The following MMP13 variants were observed in gnomAD, a reference collection of about 807,000 sequenced individuals.
The protein encoded by MMP13 is collagenase 3.
MMP13 carries 45 observed loss-of-function variants against 52.1 expected under a neutral mutation model. The observed-to-expected ratio is 0.86, with a 90% CI of 0.68 to 1.11. The LOEUF (loss-of-function observed/expected upper bound fraction) is 1.11, where lower values mean the gene tolerates loss of function less well. Among genes scored for constraint, MMP13 ranks in the 50% least tolerant of loss-of-function variants. The pLI is 0.00. For synonymous variants in MMP13, 200 were observed against 204.4 expected (o/e 0.98, Z 0.18); for missense variants, 576 against 583.8 (o/e 0.99, Z 0.14).
Position 102,952,160 on chromosome 11 carries a change from A to C in MMP13, c.651T>G (p.Phe217Leu), listed in dbSNP as rs782355119. 1 of 1,613,088 alleles carries C rather than the reference A, an allele frequency of 6.2e-7. No homozygotes were observed. The highest frequency in any genetic ancestry group is 1.1e-5 in the South Asian group (1 of 91,062). ...WTSSSKGYNLFLVAAHEFGHS... is the reference protein window; with the variant it reads ...WTSSSKGYNLLLVAAHEFGHS... ...GGCCGAACTCATGCGCAGCAACAAG[A>C]AACAAGTTGTAGCCTGTAAGAAAAC... The change falls in exon 5 of 10, where the codon TTT becomes TTG. Residue 217 changes from phenylalanine (F) to leucine (L), a missense_variant. Physicochemically the swap from Phe to Leu is conservative, Grantham distance 22. Transcript: ENST00000260302. The surrounding 1 kb of genome is among the most constrained non-coding windows in gnomAD (Gnocchi z 4.3).
chr11:102,955,234 A>T lies in MMP13; in HGVS notation c.362+18T>A. On this transcript the variant is annotated intron_variant, in intron 2 of 9. Transcript: ENST00000260302. The surrounding 1 kb of genome is among the most constrained non-coding windows in gnomAD (Gnocchi z 4.9). ...GAAAAGGCTAACAAATATGAAAGAA[A>T]GATAGCCTATGATTTACCTGTAGGT... The T allele has an allele frequency of 6.2e-7, 1 of 1,612,878 alleles. No individual in the cohort carries two copies. The highest frequency in any genetic ancestry group is 1.7e-4 in the Middle Eastern group (1 of 6,058).
At chr11:102,948,924 G>T in intron 7 of MMP13, 101 bp downstream of exon 7, 1 of 1,470,972 alleles carries the variant, frequency 6.8e-7, no homozygotes, top group Non-Finnish European at 9.4e-7. Flanking sequence ...TTTAATTTAG[G>T]TATATTTTCA....
At chr11:102,945,377 G>A (rs1565252781) in intron 9 of MMP13, 1 of 810,044 alleles carries the variant, frequency 1.2e-6, no homozygotes, top group East Asian at 5.0e-5. Context: ...TTGCATTTTG[G>A]CATCTTTAAG....
At chr11:102,946,788 C>T (rs1860515505) in intron 8 of MMP13, among the ~76,000 whole-genome samples, 1 of 152,142 alleles carries the variant, frequency 6.6e-6, no homozygotes, top group Non-Finnish European at 1.5e-5. Flanking sequence ...CTGGTAGAAG[C>T]TGGCAGTGAT....
Position 102,949,048 on chromosome 11 carries a change from T to C in MMP13, c.1028A>G (p.His343Arg). The C allele has an allele frequency of 6.2e-7, 1 of 1,613,886 alleles. No homozygotes were observed. The highest frequency in any genetic ancestry group is 8.5e-7 in the Non-Finnish European group (1 of 1,179,804). The stretch of plus-strand genomic sequence containing the variant: ...ACCTCTGAAGATGAAGATGAGGTCA[T>C]GAGAAGGGTGCTCATATGCAGCATC... ...RIDAAYEHPSHDLIFIFRGRK... is the reference protein window; with the variant it reads ...RIDAAYEHPSRDLIFIFRGRK... The change falls in exon 7 of 10, where the codon CAT (histidine) becomes CGT (arginine). Residue 343 changes from histidine (H) to arginine (R), a missense_variant. By Grantham distance (29) the His-to-Arg change is conservative. Coordinates refer to ENST00000260302, the MANE Select transcript of MMP13 (RefSeq NM_002427.4). The surrounding 1 kb of genome is among the most constrained non-coding windows in gnomAD (Gnocchi z 4.2).
At chr11:102,951,237 A>G (rs961500354) in intron 5 of MMP13, among the ~76,000 whole-genome samples, 6 of 152,172 alleles carry the variant, frequency 3.9e-5, no homozygotes, top group African/African-American at 1.4e-4. Context: ...AGAGGTTTCT[A>G]CTGTGCCAGA....
Position 102,950,240 on chromosome 11 carries a change from A to G in MMP13, c.800-13T>C. 1 of 1,584,358 alleles carries G rather than the reference A, an allele frequency of 6.3e-7. No individual in the cohort carries two copies. Among genetic ancestry groups the G allele is most frequent in the African/African-American group, 1.3e-5 (1 of 74,340 alleles). On this transcript the variant is annotated splice_polypyrimidine_tract_variant and intron_variant, in intron 5 of 9. Transcript: ENST00000260302. Reference sequence around the variant, plus strand: ...TCATCTCCTGGACCTGTAGTCGTGAAAGGCAAGAGAGAAGTTATGAGTGTG... The same window carrying G: ...TCATCTCCTGGACCTGTAGTCGTGAGAGGCAAGAGAGAAGTTATGAGTGTG...
intron 8 of MMP13, 53 bp from the exon 9 acceptor site, chr11:102,945,802 T>G: frequency 1.1e-6 from 1 of 927,874 alleles, no homozygotes; most frequent in Non-Finnish European, 1.7e-6. Flanking sequence ...GAAAGTACCT[T>G]AGAAATAATA....
chr11:102,953,840 C>T (rs1023804862), intron 4 of MMP13, among the ~76,000 whole-genome samples: 3 of 152,158 alleles, frequency 2.0e-5, no homozygotes, highest in African/African-American at 7.2e-5. Context: ...ACTGTACTTC[C>T]TCAACATGCC....
Position 102,954,456 on chromosome 11 carries a change from A to T in MMP13, c.511+2T>A, listed in dbSNP as rs202204922. On this transcript the variant is annotated splice_donor_variant, in intron 3 of 9. Transcript: ENST00000260302. LOFTEE classifies it high-confidence loss of function. ...GTTTGTAAAATAAATGTGCATCATT[A>T]CCCTTAATTCCAAAAGAGATCATGA... The T allele has an allele frequency of 3.5e-5, 57 of 1,613,006 alleles. No homozygotes were observed. The highest frequency in any genetic ancestry group is 4.7e-5 in the Non-Finnish European group (55 of 1,179,374).
rs2134520636 is a variant in MMP13 at position 102,952,613 on chromosome 11, A to T, written c.638-440T>A. Among the ~76,000 whole-genome samples the T allele has an allele frequency of 6.6e-6, 1 of 152,266 alleles. No homozygotes were observed. The highest frequency in any genetic ancestry group is 1.9e-4 in the East Asian group (1 of 5,178). On this transcript the variant is annotated intron_variant, in intron 4 of 9. Coordinates refer to ENST00000260302, the MANE Select transcript of MMP13 (RefSeq NM_002427.4). This position sits in a 1 kb window ranked among gnomAD's most constrained non-coding sequence, Gnocchi z 4.3. Reference sequence around the variant, plus strand: ...GAACATCCTCCAATCAGGAGGCAGCATCCAAAGGGATGGTACCAAGGATGG... The same window carrying T: ...GAACATCCTCCAATCAGGAGGCAGCTTCCAAAGGGATGGTACCAAGGATGG...
chr11:102,945,728 A>G lies in MMP13; in HGVS notation c.1233T>C (p.Ile411=). ...TTAGTCTCGGATAGTCTTTATCCAT[A>G]ATATGGTTAGTATCATCATATCTAT... ...QVWRYDDTNH[I]MDKDYPRLIE... The change falls in exon 9 of 10, where the codon ATT becomes ATC. Residue 411 remains isoleucine (I), a synonymous_variant. Coordinates refer to ENST00000260302, the MANE Select transcript of MMP13 (RefSeq NM_002427.4). 6.3e-7 allele frequency: 1 copy of G among 1,588,306 alleles called. No homozygotes were observed. The highest frequency in any genetic ancestry group is 1.7e-4 in the Middle Eastern group (1 of 5,986).
At chr11:102,944,455 C>G (rs2134511917) in intron 9 of MMP13, 89 bp from the exon 10 acceptor site, 1 of 918,864 alleles carries the variant, frequency 1.1e-6, no homozygotes, top group South Asian at 1.4e-5. Flanking sequence ...CTCTTAGATC[C>G]CATTTGTAGG....
Position 102,944,150 on chromosome 11 carries a change from A to C in MMP13, c.*116T>G, listed in dbSNP as rs1555016361. On this transcript the variant is annotated 3_prime_UTR_variant, in exon 10 of 10. Coordinates refer to ENST00000260302, the MANE Select transcript of MMP13 (RefSeq NM_002427.4). ...TACATATTCAAAGATAACTTACTGA[A>C]GCTTGTTCACAGAACCAAGCTTTCT... 1.3e-6 allele frequency: 1 copy of C among 773,740 alleles called. No homozygotes were observed. The highest frequency in any genetic ancestry group is 1.3e-5 in the South Asian group (1 of 74,320). The allele number at this position is 773,740 out of a possible 1,614,324, so 47.9% of individuals were successfully genotyped here. A position where few individuals can be genotyped will look rare whatever the true frequency, so the allele number is the denominator to read the frequency against.
rs782436272 is a variant in MMP13 at position 102,950,187 on chromosome 11, C to G, written c.840G>C (p.Thr280=). The change falls in exon 6 of 10, where the codon ACG becomes ACC. Residue 280 remains threonine (T), a synonymous_variant. Transcript: ENST00000260302. ...ATAAGGAAGGGTCACATTTGTCTGGCGTTTTTGGATGTTTAGGGTTGGGGT... is the reference window on the plus strand; with the variant it reads ...ATAAGGAAGGGTCACATTTGTCTGGGGTTTTTGGATGTTTAGGGTTGGGGT... ...DEDPNPKHPK[T]PDKCDPSLSL... The G allele has an allele frequency of 1.7e-5, 28 of 1,613,654 alleles. No homozygotes were observed. Among genetic ancestry groups the G allele is most frequent in the Middle Eastern group, 1.6e-4 (1 of 6,082 alleles).
rs1860577537 is a variant in MMP13 at position 102,949,757 on chromosome 11, CA to C, written c.917+352del. Among the ~76,000 whole-genome samples, 1 of 152,058 alleles carries C rather than the reference CA, an allele frequency of 6.6e-6. No homozygotes were observed. Among genetic ancestry groups the C allele is most frequent in the Non-Finnish European group, 1.5e-5 (1 of 68,006 alleles). ...ATCTAGAATCAAAGTCTTTCCATACCAAAACGAATCCGTGTGGGCCTAACGA... is the reference window on the plus strand; with the variant it reads ...ATCTAGAATCAAAGTCTTTCCATACCAAACGAATCCGTGTGGGCCTAACGA... On this transcript the variant is annotated intron_variant, in intron 6 of 9. Coordinates refer to ENST00000260302, the MANE Select transcript of MMP13 (RefSeq NM_002427.4). The surrounding 1 kb of genome is among the most constrained non-coding windows in gnomAD (Gnocchi z 4.2).
rs1555016591 is a variant in MMP13 at position 102,945,686 on chromosome 11, T to C, written c.1275A>G (p.Pro425=). ...CAGCATCTACTTTATCACCAATTCCTGGGAAGTCTTCTTCTATTAGTCTCG... is the reference window on the plus strand; with the variant it reads ...CAGCATCTACTTTATCACCAATTCCCGGGAAGTCTTCTTCTATTAGTCTCG... ...DYPRLIEEDF[P]GIGDKVDAVY... is the part of the protein sequence containing the mutation. The change falls in exon 9 of 10, where the codon CCA becomes CCG. Residue 425 remains proline, a synonymous_variant. Coordinates refer to ENST00000260302, the MANE Select transcript of MMP13 (RefSeq NM_002427.4). The C allele has an allele frequency of 1.2e-6, 2 of 1,603,636 alleles. No individual in the cohort carries two copies. Among genetic ancestry groups the C allele is most frequent in the East Asian group, 2.2e-5 (1 of 44,746 alleles).
In MMP13 at chr11:102,945,535, C is replaced by A. The variant is rs1860490252; in HGVS notation, c.1315+111G>T. On this transcript the variant is annotated intron_variant, in intron 9 of 9. Coordinates refer to ENST00000260302, the MANE Select transcript of MMP13 (RefSeq NM_002427.4). ...ACAGGAACAATTAATTCCTTAACTG[C>A]CATACATTTATTAACACATCTAGGT... The A allele has an allele frequency of 4.0e-6, 3 of 747,550 alleles. No homozygotes were observed. The South Asian group carries it at 4.7e-5, about 12-fold the overall frequency. The allele number at this position is 747,550 out of a possible 1,614,324, so 46.3% of individuals were successfully genotyped here. A position where few individuals can be genotyped will look rare whatever the true frequency, so the allele number is the denominator to read the frequency against.
In MMP13 at chr11:102,949,285, GA is replaced by G. The variant is rs367914269; in HGVS notation, c.918-128del. 5.3e-4 allele frequency: 634 copies of G among 1,202,418 alleles called. 1 individual carries two copies. Among genetic ancestry groups the G allele is most frequent in the Middle Eastern group, 1.2e-3 (5 of 4,248 alleles). The allele number at this position is 1,202,418 out of a possible 1,614,324, so 74.5% of individuals were successfully genotyped here. A position where few individuals can be genotyped will look rare whatever the true frequency, so the allele number is the denominator to read the frequency against. On this transcript the variant is annotated intron_variant, in intron 6 of 9. Coordinates refer to ENST00000260302, the MANE Select transcript of MMP13 (RefSeq NM_002427.4). This position sits in a 1 kb window ranked among gnomAD's most constrained non-coding sequence, Gnocchi z 4.2. ...AACCAATACCTCCCACCTGTGAAGG[GA>G]AAAAAAATTCCATTACCCTTTAAGC...
Sources: allele counts gnomAD v4.1 joint callset (sites outside exome capture counted in the v4.1 genomes callset), GRCh38; gene constraint gnomAD v4.1.1; non-coding constraint Gnocchi (gnomAD v3.1); transcripts MANE v1.5; gene names NCBI Gene and HGNC (gene_info 2026-07-23, HGNC 2026-07-21).